Variants in ZNF385D observed in about 807,000 individuals in gnomAD.
The protein encoded by ZNF385D is zinc finger protein 659.
ZNF385D carries 15 observed loss-of-function variants against 35.8 expected under a neutral mutation model. The ratio of observed to expected loss-of-function variants is 0.42; its 90% CI spans 0.28 to 0.64. ZNF385D has a LOEUF of 0.64. Among genes scored for constraint, ZNF385D ranks in the 30% least tolerant of loss-of-function variants. The pLI is 0.23. For synonymous variants in ZNF385D, 212 were observed against 186.8 expected (o/e 1.13, Z -1.10); for missense variants, 474 against 494.6 (o/e 0.96, Z 0.39).
intron 1 of ZNF385D, among the ~76,000 whole-genome samples, chr3:21,667,398 G>A (rs867034393): frequency 6.6e-6 from 1 of 152,120 alleles, no homozygotes. Flanking sequence ...CTGAGCTCAA[G>A]CAATCCACCC....
At chr3:22,256,731 T>C (rs528331899) in intron 2 of ZNF385D, among the ~76,000 whole-genome samples, 1 of 152,058 alleles carries the variant, frequency 6.6e-6, no homozygotes, top group African/African-American at 2.4e-5. Context: ...ATCTTTATTA[T>C]ATATGTACTC....
At chr3:21,859,776 G>A (rs565099947) in intron 3 of ZNF385D, among the ~76,000 whole-genome samples, 2 of 151,870 alleles carry the variant, frequency 1.3e-5, no homozygotes, top group Admixed American at 1.3e-4. Context: ...AATTAGAACT[G>A]CAAACAAATA....
At chr3:22,361,613 C>T (rs1222487544) in intron 2 of ZNF385D, among the ~76,000 whole-genome samples, 2 of 152,048 alleles carry the variant, frequency 1.3e-5, no homozygotes, top group Non-Finnish European at 2.9e-5. Flanking sequence ...CCATTCCATT[C>T]ATGTACTATC....
At chr3:22,028,678 T>C (rs1042483939) in intron 3 of ZNF385D, among the ~76,000 whole-genome samples, 1 of 152,220 alleles carries the variant, frequency 6.6e-6, no homozygotes, top group South Asian at 2.1e-4. Flanking sequence ...GCCTTATCCA[T>C]GATCATGGTA....
At chr3:21,449,993 G>C (rs1401243770) in intron 4 of ZNF385D, among the ~76,000 whole-genome samples, 3 of 152,222 alleles carry the variant, frequency 2.0e-5, no homozygotes, top group Non-Finnish European at 4.4e-5. Flanking sequence ...AGAAGTCAGA[G>C]CCAGAAGGCA....
At chr3:21,982,618 G>A (rs929853735) in intron 3 of ZNF385D, among the ~76,000 whole-genome samples, 3 of 152,064 alleles carry the variant, frequency 2.0e-5, no homozygotes, top group Non-Finnish European at 4.4e-5. Context: ...ATCCAATACT[G>A]TGTTGAACAA....
intron 2 of ZNF385D, among the ~76,000 whole-genome samples, chr3:22,177,852 T>C (rs1298917068): frequency 4.6e-5 from 7 of 152,130 alleles, no homozygotes; most frequent in African/African-American, 9.7e-5. Flanking sequence ...TTTGTCCTTG[T>C]GATAGTTTGC....
chr3:21,649,856 T>C (rs2065861230), intron 2 of ZNF385D, among the ~76,000 whole-genome samples: 1 of 152,194 alleles, frequency 6.6e-6, no homozygotes, highest in African/African-American at 2.4e-5. Context: ...TGTATTGGTT[T>C]CTTTTGCTTG....
rs149107597 is a variant in ZNF385D at position 21,572,709 on chromosome 3, A to G, written c.166-8025T>C. On this transcript the variant is annotated intron_variant, in intron 2 of 7. Transcript: ENST00000281523. ...AATGTCAGCTCTGACCCTTATGATG[A>G]GTGAGAAAAGGTACTACAGCTTTCC... Among the ~76,000 whole-genome samples, 222 of 152,296 alleles carry G rather than the reference A, an allele frequency of 1.5e-3. 1 individual carries two copies. Among genetic ancestry groups the G allele is most frequent in the African/African-American group, 5.1e-3 (210 of 41,580 alleles).
At chr3:21,740,938 G>C (rs2069483860) in intron 1 of ZNF385D, among the ~76,000 whole-genome samples, 1 of 152,182 alleles carries the variant, frequency 6.6e-6, no homozygotes, top group Admixed American at 6.5e-5. Flanking sequence ...TTTGACATTA[G>C]TATCATTTCA....
intron 3 of ZNF385D, among the ~76,000 whole-genome samples, chr3:21,802,799 C>A (rs1449388570): frequency 3.3e-5 from 5 of 152,106 alleles, no homozygotes; most frequent in Admixed American, 3.3e-4. Flanking sequence ...GTCTGCCTGT[C>A]TAACTGGGCA....
chr3:21,651,967 C>G (rs1406232127), intron 2 of ZNF385D, among the ~76,000 whole-genome samples: 4 of 152,258 alleles, frequency 2.6e-5, no homozygotes, highest in East Asian at 1.9e-4. Context: ...AATACCATCC[C>G]TACTCTGAAA....
At chr3:21,509,877 C>G (rs903834593) in intron 4 of ZNF385D, among the ~76,000 whole-genome samples, 29 of 152,192 alleles carry the variant, frequency 1.9e-4, no homozygotes, top group Admixed American at 8.5e-4. Context: ...CTTGGAAGAG[C>G]TGATATGTGT....
chr3:22,096,697 A>C (rs913487072), intron 3 of ZNF385D, among the ~76,000 whole-genome samples: 1 of 152,186 alleles, frequency 6.6e-6, no homozygotes, highest in East Asian at 1.9e-4. Context: ...CAGTCAAAAT[A>C]AAGTGTCATT....
At chr3:22,357,074 C>T (rs1696187878) in intron 2 of ZNF385D, among the ~76,000 whole-genome samples, 1 of 151,850 alleles carries the variant, frequency 6.6e-6, no homozygotes, top group Admixed American at 6.6e-5. Flanking sequence ...AAAGAAAATT[C>T]CATCATTGAT....
At chr3:22,121,789 T>C (rs1703102748) in intron 3 of ZNF385D, among the ~76,000 whole-genome samples, 1 of 152,124 alleles carries the variant, frequency 6.6e-6, no homozygotes, top group Non-Finnish European at 1.5e-5. Context: ...TATATAACCT[T>C]GAAGCAAACT....
intron 3 of ZNF385D, among the ~76,000 whole-genome samples, chr3:21,833,486 C>T (rs534157342): frequency 2.0e-5 from 3 of 152,236 alleles, no homozygotes; most frequent in South Asian, 4.1e-4. Context: ...TGTCAACAGT[C>T]ATCAGAATCT....
At chr3:22,139,376 C>A (rs1704352259) in intron 3 of ZNF385D, among the ~76,000 whole-genome samples, 1 of 152,062 alleles carries the variant, frequency 6.6e-6, no homozygotes, top group Non-Finnish European at 1.5e-5. Flanking sequence ...AAATGTCCAA[C>A]AATGATAGAC....
intron 3 of ZNF385D, among the ~76,000 whole-genome samples, chr3:21,956,702 TG>T (rs1702310313): frequency 6.6e-6 from 1 of 151,810 alleles, no homozygotes; most frequent in East Asian, 1.9e-4. Flanking sequence ...TTGGAGTAAG[TG>T]TTATGGCTAA....
Sources: gnomAD v4.1 joint callset for allele counts (sites outside exome capture counted in the v4.1 genomes callset) on GRCh38, gnomAD v4.1.1 for gene constraint, MANE v1.5 for transcripts, NCBI Gene and HGNC (gene_info 2026-07-23, HGNC 2026-07-21) for gene names.